WDPCP: variants seen among roughly 807,000 people sequenced by gnomAD.
WDPCP encodes the protein WD repeat containing planar cell polarity effector.
A neutral mutation model predicts 93.1 loss-of-function variants in WDPCP; 71 were observed. The ratio of observed to expected loss-of-function variants is 0.76; its 90% CI spans 0.63 to 0.93. The LOEUF (loss-of-function observed/expected upper bound fraction) is 0.93. Among genes scored for constraint, WDPCP ranks in the 40% least tolerant of loss-of-function variants. The pLI is 0.00. For synonymous variants in WDPCP, 315 were observed against 315.0 expected (o/e 1.00, Z 0.00); for missense variants, 844 against 887.4 (o/e 0.95, Z 0.62).
intron 1 of WDPCP, among the ~76,000 whole-genome samples, chr2:63,509,213 T>A (rs1575550427): frequency 6.6e-6 from 1 of 152,114 alleles, no homozygotes; most frequent in Non-Finnish European, 1.5e-5. Flanking sequence ...TGCAAAAGAA[T>A]GGAAATCAAA....
intron 2 of WDPCP, among the ~76,000 whole-genome samples, chr2:63,702,310 G>A (rs1669067049): frequency 6.6e-6 from 1 of 152,170 alleles, no homozygotes. Flanking sequence ...ACAGGCGTGA[G>A]CCACCGTGCC....
At position 63,422,063 on chromosome 2, in the gene WDPCP, C is replaced by A. The variant is rs183689092; in HGVS notation, c.825+11682G>T. On this transcript the variant is annotated intron_variant, in intron 9 of 17. Transcript: ENST00000272321. Reference sequence around the variant, plus strand: ...TCTTTCTACTGAAGAAACCTAGAAACAATAATCAACCCAAAAACAACAGCC... The same window carrying A: ...TCTTTCTACTGAAGAAACCTAGAAAAAATAATCAACCCAAAAACAACAGCC... Among the ~76,000 whole-genome samples, 98 of 152,212 alleles carry A rather than the reference C, an allele frequency of 6.4e-4. 1 individual carries two copies. Among genetic ancestry groups the A allele is most frequent in the Non-Finnish European group, 2.9e-5 (2 of 68,012 alleles).
intron 14 of WDPCP, among the ~76,000 whole-genome samples, chr2:63,225,805 C>T (rs1678245521): frequency 1.3e-5 from 2 of 151,742 alleles, no homozygotes; most frequent in African/African-American, 4.8e-5. Context: ...TATGAATGAA[C>T]TTATTTCTGG....
In WDPCP at chr2:63,739,038, T is replaced by A. The variant is rs142152133; in HGVS notation, n.308+74584A>T. Among the ~76,000 whole-genome samples the A allele has an allele frequency of 4.1e-3, 625 of 152,332 alleles. 3 individuals carry two copies. Among genetic ancestry groups the A allele is most frequent in the African/African-American group, 0.014 (585 of 41,568 alleles). On this transcript the variant is annotated intron_variant and non_coding_transcript_variant, in intron 2 of 4. Coordinates refer to the WDPCP transcript ENST00000467687. ...CATTATGTTTATTAACATTGTTTTT[T>A]AACTTTTATTTTAGGTTTGGGGGTA...
chr2:63,812,880 T>C (rs571965348), intron 2 of WDPCP, among the ~76,000 whole-genome samples: 3 of 152,172 alleles, frequency 2.0e-5, no homozygotes, highest in East Asian at 3.9e-4. Context: ...AAAAAATCAC[T>C]TTATTTTTTT....
chr2:63,475,245 AT>A (rs1699911229), intron 6 of WDPCP, among the ~76,000 whole-genome samples: 1 of 152,066 alleles, frequency 6.6e-6, no homozygotes, highest in Non-Finnish European at 1.5e-5. Context: ...CTAGCCCTTA[AT>A]TTGTGCTTAT....
At chr2:63,510,049 G>GA (rs985909711) in intron 1 of WDPCP, among the ~76,000 whole-genome samples, 25 of 146,018 alleles carry the variant, frequency 1.7e-4, no homozygotes, top group Non-Finnish European at 2.9e-4. Context: ...CCAAACAACA[G>GA]AAAAAAAAAG....
intron 1 of WDPCP, among the ~76,000 whole-genome samples, chr2:63,570,845 G>A (rs186890769): frequency 2.8e-4 from 43 of 152,188 alleles, no homozygotes; most frequent in Admixed American, 2.7e-3. Context: ...TCTGAAGTTA[G>A]ACACACTGTG....
At chr2:63,288,331 T>C (rs1288537801) in intron 13 of WDPCP, among the ~76,000 whole-genome samples, 1 of 152,208 alleles carries the variant, frequency 6.6e-6, no homozygotes, top group Non-Finnish European at 1.5e-5. Flanking sequence ...GAGTAGCTTT[T>C]ATGGCACAGT....
chr2:63,704,394 G>C (rs961328921), intron 2 of WDPCP, among the ~76,000 whole-genome samples: 3 of 152,152 alleles, frequency 2.0e-5, no homozygotes, highest in African/African-American at 7.2e-5. Context: ...CAAAGGGAAT[G>C]CTTCCAGTTT....
chr2:63,618,026 T>C (rs2106633829), intron 3 of WDPCP, among the ~76,000 whole-genome samples: 1 of 152,338 alleles, frequency 6.6e-6, no homozygotes, highest in Admixed American at 6.5e-5. Flanking sequence ...GTTTGTTTTC[T>C]CTTATGTTTT....
intron 10 of WDPCP, among the ~76,000 whole-genome samples, chr2:63,395,155 C>G (rs921292426): frequency 3.3e-5 from 5 of 152,084 alleles, no homozygotes; most frequent in African/African-American, 7.2e-5. Flanking sequence ...AGCAAAAGTA[C>G]CAAGACACAA....
intron 14 of WDPCP, among the ~76,000 whole-genome samples, chr2:63,251,699 G>C (rs1007208570): frequency 1.1e-4 from 17 of 151,752 alleles, no homozygotes; most frequent in African/African-American, 4.1e-4. Flanking sequence ...CACCGTGTTA[G>C]CCAGGATGGT....
chr2:63,703,242 T>G (rs1486872094), intron 2 of WDPCP, among the ~76,000 whole-genome samples: 1 of 152,190 alleles, frequency 6.6e-6, no homozygotes, highest in Non-Finnish European at 1.5e-5. Context: ...TACCCAGTAA[T>G]GGGATGGCTG....
chr2:63,720,415 T>TCAAAAAA (rs1167952657), intron 2 of WDPCP, among the ~76,000 whole-genome samples: 16 of 145,288 alleles, frequency 1.1e-4, no homozygotes, highest in Admixed American at 2.0e-4. Context: ...AGACTCTACC[T>TCAAAAAA]TAAAAAAAAA....
chr2:63,171,512 T>TA lies in WDPCP; in HGVS notation c.2078+3157dup, dbSNP rs1574791518. ...TCTTCACCCAACAGAATAGTTATAA[T>TA]AAAAAAACATTGACAATATTAAATA... On this transcript the variant is annotated intron_variant, in intron 15 of 17. Transcript: ENST00000272321. Among the ~76,000 whole-genome samples the TA allele has an allele frequency of 3.3e-5, 5 of 152,216 alleles. No homozygotes were observed. In the East Asian group the frequency reaches 9.6e-4, roughly 29 times the overall value.
chr2:63,196,772 C>T (rs1261245917), intron 14 of WDPCP, among the ~76,000 whole-genome samples: 1 of 152,186 alleles, frequency 6.6e-6, no homozygotes, highest in Non-Finnish European at 1.5e-5. Context: ...AAAAAAATGC[C>T]ACAAAGGACA....
At chr2:63,621,957 G>A (rs1333637584) in intron 3 of WDPCP, among the ~76,000 whole-genome samples, 2 of 151,384 alleles carry the variant, frequency 1.3e-5, no homozygotes, top group African/African-American at 2.4e-5. Context: ...TACATGTGCC[G>A]TACTGGTGCA....
intron 3 of WDPCP, among the ~76,000 whole-genome samples, chr2:63,648,894 G>A (rs188787771): frequency 4.9e-4 from 74 of 152,188 alleles, no homozygotes; most frequent in Admixed American, 1.3e-3. Context: ...AAATTACCTC[G>A]TTTAGGCTCC....
Sources: gnomAD v4.1 joint callset for allele counts (sites outside exome capture counted in the v4.1 genomes callset) on GRCh38, gnomAD v4.1.1 for gene constraint, MANE v1.5 for transcripts, NCBI Gene and HGNC (gene_info 2026-07-23, HGNC 2026-07-21) for gene names.